Variants in FSTL5 observed in about 807,000 individuals in gnomAD.
FSTL5 encodes follistatin like 5.
A neutral mutation model predicts 89.1 loss-of-function variants in FSTL5; 62 were observed. The ratio of observed to expected loss-of-function variants is 0.70; its 90% CI spans 0.57 to 0.86. FSTL5 has a LOEUF of 0.86. Ranked by LOEUF, FSTL5 falls within the 40% of genes least tolerant of loss-of-function variation. The pLI is 0.00. For synonymous variants in FSTL5, 383 were observed against 346.2 expected, an observed-to-expected ratio of 1.11 and a Z score of -1.18; for missense variants, 1,057 against 1,001.6, an observed-to-expected ratio of 1.06 and a Z score of -0.75.
At chr4:161,944,532 C>G (rs1734683653) in intron 3 of FSTL5, among the ~76,000 whole-genome samples, 1 of 151,622 alleles carries the variant, frequency 6.6e-6, no homozygotes, top group Non-Finnish European at 1.5e-5. Flanking sequence ...TATATTTTAG[C>G]CAAGCAAGGT....
At chr4:161,589,875 A>G (rs961204904) in intron 7 of FSTL5, among the ~76,000 whole-genome samples, 1 of 151,964 alleles carries the variant, frequency 6.6e-6, no homozygotes, top group Non-Finnish European at 1.5e-5. Context: ...CTAGCTGCAC[A>G]TAAGACTCTA....
At chr4:161,995,380 G>A (rs1472679677) in intron 3 of FSTL5, among the ~76,000 whole-genome samples, 5 of 152,112 alleles carry the variant, frequency 3.3e-5, no homozygotes, top group Admixed American at 1.3e-4. Context: ...AAGATGCAAT[G>A]GAATCAGAAT....
At chr4:161,590,965 G>A (rs933609175) in intron 7 of FSTL5, among the ~76,000 whole-genome samples, 2 of 152,260 alleles carry the variant, frequency 1.3e-5, no homozygotes, top group South Asian at 2.1e-4. Flanking sequence ...GTATGCAAAT[G>A]TATGCAAATG....
intron 3 of FSTL5, among the ~76,000 whole-genome samples, chr4:161,981,394 A>C (rs187738519): frequency 2.6e-4 from 39 of 152,324 alleles, no homozygotes; most frequent in African/African-American, 9.1e-4. Context: ...TAATGAAAAG[A>C]CTTCCAGGGA....
chr4:161,853,544 CTT>C (rs556196341), intron 4 of FSTL5, among the ~76,000 whole-genome samples: 1 of 144,478 alleles, frequency 6.9e-6, no homozygotes. Context: ...TCCCAAGTGG[CTT>C]TTTTTTTTTA....
rs568247164 is a variant in FSTL5 at position 161,675,908 on chromosome 4, T to C, written c.728-19414A>G. Among the ~76,000 whole-genome samples the C allele has an allele frequency of 3.3e-5, 5 of 152,222 alleles. No individual in the cohort carries two copies. The East Asian group carries it at 9.6e-4, about 29-fold the overall frequency. ...ACTAGATTTTAACTGCATGAATTAT[T>C]ATTATAAATGAGATATTACCTTGCA... On this transcript the variant is annotated intron_variant, in intron 6 of 15. Transcript: ENST00000306100.
At chr4:161,804,417 T>C (rs970575606) in intron 4 of FSTL5, among the ~76,000 whole-genome samples, 2 of 151,968 alleles carry the variant, frequency 1.3e-5, no homozygotes, top group African/African-American at 4.8e-5. Context: ...TAATATTGAG[T>C]TATTTCAATT....
intron 3 of FSTL5, among the ~76,000 whole-genome samples, chr4:161,970,376 T>TATC (rs1318085747): frequency 1.3e-5 from 2 of 152,122 alleles, no homozygotes; most frequent in Admixed American, 6.6e-5. Flanking sequence ...TGATTCTGAA[T>TATC]ATCAGTAAGA....
chr4:161,603,232 A>T (rs1019478861), intron 7 of FSTL5, among the ~76,000 whole-genome samples: 4 of 152,144 alleles, frequency 2.6e-5, no homozygotes, highest in African/African-American at 4.8e-5. Flanking sequence ...CAATCAAGTG[A>T]ATATGGCAAT....
At chr4:161,779,980 G>T (rs1454219051) in intron 4 of FSTL5, among the ~76,000 whole-genome samples, 1 of 148,238 alleles carries the variant, frequency 6.7e-6, no homozygotes, top group Non-Finnish European at 1.5e-5. Flanking sequence ...CAAAGGGAGA[G>T]AACTTTTCAA....
At chr4:161,529,627 C>A (rs1219088098) in intron 10 of FSTL5, among the ~76,000 whole-genome samples, 2 of 141,240 alleles carry the variant, frequency 1.4e-5, no homozygotes, top group Non-Finnish European at 3.1e-5. Flanking sequence ...TATATATTCT[C>A]TATAGAATTA....
intron 2 of FSTL5, among the ~76,000 whole-genome samples, chr4:162,060,406 G>A (rs1489896776): frequency 1.3e-5 from 2 of 151,976 alleles, no homozygotes; most frequent in Non-Finnish European, 1.5e-5. Flanking sequence ...TAATTTTAGA[G>A]CATTTTGCTT....
At chr4:161,976,969 C>T (rs1048408909) in intron 3 of FSTL5, among the ~76,000 whole-genome samples, 2 of 152,064 alleles carry the variant, frequency 1.3e-5, no homozygotes, top group African/African-American at 2.4e-5. Flanking sequence ...TTCTGTTTTC[C>T]ATGGTGACTA....
At chr4:161,560,795 T>C (rs1732568278) in intron 8 of FSTL5, among the ~76,000 whole-genome samples, 1 of 151,938 alleles carries the variant, frequency 6.6e-6, no homozygotes, top group African/African-American at 2.4e-5. Flanking sequence ...GTGACAACAA[T>C]GCCTTCTTCT....
intron 4 of FSTL5, among the ~76,000 whole-genome samples, chr4:161,791,644 G>A (rs992387267): frequency 6.6e-6 from 1 of 152,112 alleles, no homozygotes; most frequent in African/African-American, 2.4e-5. Flanking sequence ...ATAATGGTAG[G>A]ACAGCGGTGG....
chr4:162,017,374 A>G (rs1736944234), intron 3 of FSTL5, among the ~76,000 whole-genome samples: 1 of 152,198 alleles, frequency 6.6e-6, no homozygotes, highest in African/African-American at 2.4e-5. Flanking sequence ...AAGTAAATGC[A>G]TTGTTCTCTG....
At chr4:161,504,643 A>G (rs1730414710) in intron 11 of FSTL5, among the ~76,000 whole-genome samples, 1 of 151,890 alleles carries the variant, frequency 6.6e-6, no homozygotes, top group Non-Finnish European at 1.5e-5. Context: ...TACACAGAAA[A>G]GACATAAGCA....
intron 15 of FSTL5, among the ~76,000 whole-genome samples, chr4:161,450,569 T>G (rs1733126520): frequency 6.6e-6 from 1 of 152,176 alleles, no homozygotes; most frequent in Admixed American, 6.6e-5. Context: ...TATTGTAATT[T>G]CAATTTAATA....
chr4:161,770,096 T>C (rs1741156207), intron 5 of FSTL5, among the ~76,000 whole-genome samples: 1 of 151,978 alleles, frequency 6.6e-6, no homozygotes, highest in African/African-American at 2.4e-5. Flanking sequence ...TTATGTTACA[T>C]GAAATAAGCC....
Sources: allele counts gnomAD v4.1 joint callset (sites outside exome capture counted in the v4.1 genomes callset), GRCh38; gene constraint gnomAD v4.1.1; transcripts MANE v1.5; gene names NCBI Gene and HGNC (gene_info 2026-07-23, HGNC 2026-07-21).